VDR: variants seen among roughly 807,000 people sequenced by gnomAD.
The protein encoded by VDR is vitamin D receptor.
Under a neutral mutation model 39.7 loss-of-function variants are expected in VDR, and 19 were observed. The ratio of observed to expected loss-of-function variants is 0.48; its 90% CI spans 0.33 to 0.70. VDR has a LOEUF of 0.70. Ranked by LOEUF, VDR falls within the 30% of genes least tolerant of loss-of-function variation. VDR has a pLI of 0.02. For synonymous variants in VDR, 242 were observed against 215.8 expected, an observed-to-expected ratio of 1.12 and a Z score of -1.07; for missense variants, 442 against 570.5, an observed-to-expected ratio of 0.77 and a Z score of 2.29.
chr12:47,864,558 A>G (rs184222413), intron 4 of VDR, among the ~76,000 whole-genome samples: 15 of 152,312 alleles, frequency 9.8e-5, no homozygotes, highest in Non-Finnish European at 1.6e-4. Flanking sequence ...GTGGATGCCA[A>G]CTATGCTCTG....
At position 47,892,908 on chromosome 12, in the gene VDR, T is replaced by C. The variant is rs989620120; in HGVS notation, c.-83-10134A>G. Among the ~76,000 whole-genome samples the C allele has an allele frequency of 5.3e-5, 8 of 150,820 alleles. No individual in the cohort carries two copies. In the South Asian group the frequency reaches 1.7e-3, roughly 32 times the overall value. On this transcript the variant is annotated intron_variant, in intron 1 of 9. Coordinates refer to ENST00000549336, the MANE Select transcript of VDR (RefSeq NM_000376.3). ...ACGGAGACAGGAAGGAGCAGAGGAG[T>C]TTAATGTGGTGTGGTAAGAGGCGTA...
intron 3 of VDR, 100 bp downstream of exon 3, chr12:47,878,868 T>A: frequency 6.3e-7 from 1 of 1,587,912 alleles, no homozygotes. Context: ...ATGGACATTG[T>A]AAGGAAGGAG....
rs1945238171 is a variant in VDR, at chr12:47,844,644, C to T, written c.*102G>A. 2 of 1,544,632 alleles carry T rather than the reference C, an allele frequency of 1.3e-6. No homozygotes were observed. The highest frequency in any genetic ancestry group is 1.7e-5 in the Admixed American group (1 of 58,430). ...GAGGTGGCAGAGGAGGGGCTGAACC[C>T]CAGACGGGGTGAGGAGGGCTGCTGA... is the stretch of plus-strand genomic sequence containing the variant. On this transcript the variant is annotated 3_prime_UTR_variant, in exon 10 of 10. Transcript: ENST00000549336.
chr12:47,902,500 A>C (rs998354393), intron 1 of VDR, among the ~76,000 whole-genome samples: 1 of 152,212 alleles, frequency 6.6e-6, no homozygotes, highest in Non-Finnish European at 1.5e-5. Flanking sequence ...GAGGGCCTGG[A>C]GTCATGCTGG....
intron 1 of VDR, among the ~76,000 whole-genome samples, chr12:47,895,786 C>A (rs1946455131): frequency 6.6e-6 from 1 of 152,222 alleles, no homozygotes; most frequent in South Asian, 2.1e-4. Context: ...ATCTGAATGT[C>A]CAGCTTTCTA....
Position 47,882,730 on chromosome 12 carries a change from G to T in VDR, c.-39C>A, listed in dbSNP as rs1197664746. On this transcript the variant is annotated 5_prime_UTR_variant, in exon 2 of 10. Transcript: ENST00000549336. Reference sequence around the variant, plus strand: ...GGGGGCAGGTAAGTGGAGCCCAGGGGTGCTCTTCTGTGAGGTCTCACAGAC... The same window carrying T: ...GGGGGCAGGTAAGTGGAGCCCAGGGTTGCTCTTCTGTGAGGTCTCACAGAC... 1.3e-6 allele frequency: 2 copies of T among 1,533,380 alleles called. No homozygotes were observed. Among genetic ancestry groups the T allele is most frequent in the African/African-American group, 1.4e-5 (1 of 72,880 alleles). 95.0% of individuals were successfully genotyped at this position (1,533,380 alleles called of 1,614,324 possible).
chr12:47,886,712 A>C (rs1245727220), intron 1 of VDR, among the ~76,000 whole-genome samples: 1 of 152,260 alleles, frequency 6.6e-6, no homozygotes, highest in Non-Finnish European at 1.5e-5. Flanking sequence ...ATTGGAAGGC[A>C]ACAGCACCAC....
intron 3 of VDR, among the ~76,000 whole-genome samples, chr12:47,878,527 AT>A (rs904400757): frequency 1.3e-5 from 2 of 152,206 alleles, no homozygotes; most frequent in Non-Finnish European, 2.9e-5. Flanking sequence ...AAGAGGTGCC[AT>A]TTCCCTTGTT....
chr12:47,890,335 T>C (rs1360143614), intron 1 of VDR, among the ~76,000 whole-genome samples: 2 of 147,860 alleles, frequency 1.4e-5, no homozygotes, highest in Non-Finnish European at 3.0e-5. Flanking sequence ...TTTACATATA[T>C]GTAATATGTA....
chr12:47,869,645 A>G (rs774352243), intron 3 of VDR, among the ~76,000 whole-genome samples: 2 of 151,936 alleles, frequency 1.3e-5, no homozygotes, highest in African/African-American at 2.4e-5. Flanking sequence ...CTGTAAGCCC[A>G]GCACTTTGGG....
intron 4 of VDR, among the ~76,000 whole-genome samples, chr12:47,859,292 G>T (rs939855997): frequency 1.3e-5 from 2 of 152,210 alleles, no homozygotes; most frequent in Non-Finnish European, 2.9e-5. Flanking sequence ...ATTCTGTGAT[G>T]CCATTCTCCT....
At chr12:47,883,038 C>A in intron 1 of VDR, 1 of 431,796 alleles carries the variant, frequency 2.3e-6, no homozygotes. Context: ...GCAACCAGCC[C>A]CAGGCAGAAG....
intron 3 of VDR, among the ~76,000 whole-genome samples, chr12:47,865,858 G>A (rs958175378): frequency 4.6e-5 from 7 of 151,262 alleles, no homozygotes; most frequent in Admixed American, 3.3e-4. Context: ...GACTACAGGC[G>A]CCCGCCACCA....
At chr12:47,858,189 C>T (rs1489223606) in intron 4 of VDR, among the ~76,000 whole-genome samples, 1 of 152,180 alleles carries the variant, frequency 6.6e-6, no homozygotes, top group Non-Finnish European at 1.5e-5. Context: ...CAGATGCTCA[C>T]TAAATGTTAG....
At chr12:47,887,189 G>A (rs1446214871) in intron 1 of VDR, among the ~76,000 whole-genome samples, 2 of 151,936 alleles carry the variant, frequency 1.3e-5, no homozygotes, top group Non-Finnish European at 2.9e-5. Flanking sequence ...GGCTTTGGTG[G>A]CGGGTGCCTG....
chr12:47,845,380 T>G (rs2137120278), intron 9 of VDR, among the ~76,000 whole-genome samples: 1 of 151,850 alleles, frequency 6.6e-6, no homozygotes, highest in African/African-American at 2.4e-5. Context: ...TACTGATCCT[T>G]TGGATAACAG....
Position 47,879,117 on chromosome 12 carries a change from T to C in VDR, c.-2-2A>G. ...TGCTGGCCGCCATTGCCTCCATCCC[T>C]GTAAGAACAGCAAGCAGGCCACGGT... On this transcript the variant is annotated splice_acceptor_variant, in intron 2 of 9. Coordinates refer to ENST00000549336, the MANE Select transcript of VDR (RefSeq NM_000376.3). LOFTEE classifies it low-confidence loss of function (5UTR_SPLICE). The C allele has an allele frequency of 6.2e-7, 1 of 1,613,602 alleles. No homozygotes were observed. The highest frequency in any genetic ancestry group is 8.5e-7 in the Non-Finnish European group (1 of 1,179,778).
chr12:47,897,863 A>G (rs1946489947), intron 1 of VDR, among the ~76,000 whole-genome samples: 1 of 152,202 alleles, frequency 6.6e-6, no homozygotes, highest in Non-Finnish European at 1.5e-5. Flanking sequence ...CCCTTAAATG[A>G]TCAAGAAGCC....
At chr12:47,876,467 T>C (rs575400453) in intron 3 of VDR, among the ~76,000 whole-genome samples, 1 of 152,224 alleles carries the variant, frequency 6.6e-6, no homozygotes, top group Non-Finnish European at 1.5e-5. Context: ...ACAGTAAAGA[T>C]CTAAGTAAGG....
Sources: allele counts gnomAD v4.1 joint callset (sites outside exome capture counted in the v4.1 genomes callset), GRCh38; gene constraint gnomAD v4.1.1; transcripts MANE v1.5; gene names NCBI Gene and HGNC (gene_info 2026-07-23, HGNC 2026-07-21).